The following EHBP1 variants were observed in gnomAD, a reference collection of about 807,000 sequenced individuals.
EHBP1 encodes the protein EH domain binding protein 1.
A neutral mutation model predicts 144.0 loss-of-function variants in EHBP1; 55 were observed. The ratio of observed to expected loss-of-function variants is 0.38; its 90% CI spans 0.31 to 0.48. The LOEUF (loss-of-function observed/expected upper bound fraction) is 0.48. Among genes scored for constraint, EHBP1 ranks in the 20% least tolerant of loss-of-function variants. The pLI is 0.98. For synonymous variants in EHBP1, 469 were observed against 472.7 expected (o/e 0.99, Z 0.10); for missense variants, 1,200 against 1,364.2 (o/e 0.88, Z 1.90).
At chr2:63,005,725 T>A (rs1244249683) in intron 19 of EHBP1, among the ~76,000 whole-genome samples, 2 of 152,074 alleles carry the variant, frequency 1.3e-5, no homozygotes, top group Non-Finnish European at 2.9e-5. Flanking sequence ...TATTAAAAGT[T>A]ATCTATAATT....
chr2:62,787,467 G>A (rs1360758459), intron 5 of EHBP1, among the ~76,000 whole-genome samples: 1 of 133,760 alleles, frequency 7.5e-6, no homozygotes, highest in Non-Finnish European at 1.5e-5. Context: ...CTATATTGAA[G>A]AAAGCCTATC....
At chr2:62,969,743 CA>C (rs2058412790) in intron 14 of EHBP1, among the ~76,000 whole-genome samples, 1 of 152,096 alleles carries the variant, frequency 6.6e-6, no homozygotes, top group African/African-American at 2.4e-5. Flanking sequence ...CTCTGTTTTG[CA>C]ACAAGAAAGG....
intron 10 of EHBP1, 124 bp from the exon 11 acceptor site, chr2:62,942,594 T>C (rs2056823848): frequency 1.4e-6 from 1 of 737,392 alleles, no homozygotes; most frequent in Non-Finnish European, 2.0e-6. Flanking sequence ...TTGTCGTGAA[T>C]TGACAGTTGT....
intron 15 of EHBP1, among the ~76,000 whole-genome samples, chr2:62,988,602 A>G (rs1035330110): frequency 1.6e-4 from 24 of 152,156 alleles, no homozygotes; most frequent in African/African-American, 5.1e-4. Flanking sequence ...TGCTTTGGCA[A>G]TGGACCTTTG....
chr2:62,865,939 G>A (rs1238670016), intron 9 of EHBP1, among the ~76,000 whole-genome samples: 1 of 152,242 alleles, frequency 6.6e-6, no homozygotes, highest in African/African-American at 2.4e-5. Context: ...ACTACTCTGT[G>A]AGATCTGTTT....
At chr2:62,902,361 T>G (rs2053479594) in intron 10 of EHBP1, among the ~76,000 whole-genome samples, 1 of 152,134 alleles carries the variant, frequency 6.6e-6, no homozygotes, top group Admixed American at 6.6e-5. Context: ...AAAATAACTT[T>G]CCAAAATGTC....
chr2:62,732,766 C>T (rs2037735617), intron 2 of EHBP1, among the ~76,000 whole-genome samples: 1 of 152,194 alleles, frequency 6.6e-6, no homozygotes, highest in African/African-American at 2.4e-5. Flanking sequence ...CAGTAGGGAA[C>T]AGACTAATTC....
At chr2:62,839,142 C>T (rs2047567213) in intron 7 of EHBP1, among the ~76,000 whole-genome samples, 1 of 149,984 alleles carries the variant, frequency 6.7e-6, no homozygotes, top group African/African-American at 2.4e-5. Flanking sequence ...GCTTATCCAC[C>T]ATGATCAAGT....
chr2:63,011,142 CAAAAAAA>C (rs58109395), intron 19 of EHBP1, among the ~76,000 whole-genome samples: 15 of 43,900 alleles, frequency 3.4e-4, no homozygotes, highest in African/African-American at 9.3e-4. Flanking sequence ...CCTCACTTGT[CAAAAAAA>C]AAAAAAAAAA....
At chr2:62,881,417 G>GAAAAAAAAA (rs2051404254) in intron 10 of EHBP1, among the ~76,000 whole-genome samples, 1 of 83,258 alleles carries the variant, frequency 1.2e-5, no homozygotes, top group South Asian at 3.6e-4. Flanking sequence ...AAGGAAAAAC[G>GAAAAAAAAA]GAAAAAAAAA....
At chr2:62,737,891 G>A (rs1319914247) in intron 2 of EHBP1, among the ~76,000 whole-genome samples, 1 of 152,048 alleles carries the variant, frequency 6.6e-6, no homozygotes, top group African/African-American at 2.4e-5. Flanking sequence ...AGCCTCCCAA[G>A]TAGCTAGGAC....
intron 14 of EHBP1, among the ~76,000 whole-genome samples, chr2:62,971,646 G>A (rs1559003505): frequency 6.6e-6 from 1 of 152,162 alleles, no homozygotes. Flanking sequence ...ACCTTGGGCG[G>A]TATATTTAAG....
chr2:62,820,740 AT>A lies in EHBP1; in HGVS notation c.313-5346del, dbSNP rs1558730683. Among the ~76,000 whole-genome samples, 316 of 33,398 alleles carry A rather than the reference AT, an allele frequency of 9.5e-3. 2 individuals are homozygous for A. The highest frequency in any genetic ancestry group is 0.035 in the African/African-American group (295 of 8,378). 21.9% of individuals were successfully genotyped at this position (33,398 alleles called of 152,430 possible). On this transcript the variant is annotated intron_variant, in intron 5 of 22. Coordinates refer to ENST00000431489, the MANE Select transcript of EHBP1 (RefSeq NM_001142616.3). ...GTGTGTGTGTGTGTGTGTGTATAAT[AT>A]ATATATATATATATATATATATATA...
At position 63,036,550 on chromosome 2, in the gene EHBP1, T is replaced by A. The variant is rs142796229; in HGVS notation, c.3104-985T>A. 2.6e-4 allele frequency among the ~76,000 whole-genome samples: 40 copies of A among 152,054 alleles called. No homozygotes were observed. The East Asian group carries it at 6.0e-3, about 23-fold the overall frequency. On this transcript the variant is annotated intron_variant, in intron 19 of 22. Transcript: ENST00000431489. Reference sequence around the variant, plus strand: ...ATTTAAATTAACCTTATGAATGCCATACAGAAGTTAGACTGAAATATTAAA... The same window carrying A: ...ATTTAAATTAACCTTATGAATGCCAAACAGAAGTTAGACTGAAATATTAAA...
intron 1 of EHBP1, among the ~76,000 whole-genome samples, chr2:62,687,054 C>T (rs1379191385): frequency 2.6e-5 from 4 of 152,188 alleles, no homozygotes; most frequent in African/African-American, 4.8e-5. Context: ...CCAAAGTCTA[C>T]GCTCTTTCCA....
chr2:62,787,674 C>G (rs1405640516), intron 5 of EHBP1, among the ~76,000 whole-genome samples: 1 of 152,104 alleles, frequency 6.6e-6, no homozygotes, highest in African/African-American at 2.4e-5. Flanking sequence ...CTAAGCTTTC[C>G]TGACCCTTCA....
chr2:63,017,142 T>C (rs2060518177), intron 19 of EHBP1, among the ~76,000 whole-genome samples: 1 of 152,148 alleles, frequency 6.6e-6, no homozygotes, highest in Non-Finnish European at 1.5e-5. Flanking sequence ...AAAATTGGAG[T>C]AAAGAACTCA....
At chr2:62,880,939 A>T in intron 10 of EHBP1, among the ~76,000 whole-genome samples, 1 of 152,232 alleles carries the variant, frequency 6.6e-6, no homozygotes, top group Non-Finnish European at 1.5e-5. Flanking sequence ...CATACTAGGT[A>T]TGTTTATCAC....
At chr2:62,991,134 A>C (rs1441030471) in intron 16 of EHBP1, among the ~76,000 whole-genome samples, 1 of 151,684 alleles carries the variant, frequency 6.6e-6, no homozygotes, top group Non-Finnish European at 1.5e-5. Context: ...AGTCCCAGCT[A>C]CTCAGGAGGC....
Sources: allele counts gnomAD v4.1 joint callset (sites outside exome capture counted in the v4.1 genomes callset), GRCh38; gene constraint gnomAD v4.1.1; transcripts MANE v1.5; gene names NCBI Gene and HGNC (gene_info 2026-07-23, HGNC 2026-07-21).